ANO6: variants seen among roughly 807,000 people sequenced by gnomAD.
ANO6 encodes anoctamin 6.
Under a neutral mutation model 117.5 loss-of-function variants are expected in ANO6, and 106 were observed. The ratio of observed to expected loss-of-function variants is 0.90; its 90% CI spans 0.77 to 1.06. The LOEUF is 1.06. ANO6 is among the 50% of genes least tolerant of loss of function. The pLI, the probability that ANO6 is intolerant of heterozygous loss-of-function variation, is 0.00. For synonymous variants in ANO6, 367 were observed against 385.1 expected, an observed-to-expected ratio of 0.95 and a Z score of 0.55; for missense variants, 955 against 1,121.1, an observed-to-expected ratio of 0.85 and a Z score of 2.12.
chr12:45,248,784 G>A lies in ANO6; in HGVS notation c.70+32393G>A, dbSNP rs1947861792. Among the ~76,000 whole-genome samples, 8 of 152,290 alleles carry A rather than the reference G, an allele frequency of 5.3e-5. No individual in the cohort carries two copies. The South Asian group carries it at 1.0e-3, about 20-fold the overall frequency. ...GAGTCAACTGACCTGAAGGAATATG[G>A]AGGCAGAATCATTTTAACAAAGGGT... On this transcript the variant is annotated intron_variant, in intron 1 of 19. Transcript: ENST00000320560.
At chr12:45,362,272 T>C (rs1941575313) in intron 8 of ANO6, among the ~76,000 whole-genome samples, 1 of 152,128 alleles carries the variant, frequency 6.6e-6, no homozygotes, top group Admixed American at 6.5e-5. Context: ...GTCTAATTAG[T>C]TGGCTTATAA....
At chr12:45,324,847 A>C (rs1234600040) in intron 2 of ANO6, among the ~76,000 whole-genome samples, 1 of 152,168 alleles carries the variant, frequency 6.6e-6, no homozygotes, top group Non-Finnish European at 1.5e-5. Context: ...CTAAATAGCT[A>C]TAGCTTAAAA....
At chr12:45,347,917 G>A (rs1206926872) in intron 4 of ANO6, 111 bp from the exon 5 acceptor site, 1 of 1,003,866 alleles carries the variant, frequency 1.0e-6, no homozygotes, top group Non-Finnish European at 1.5e-6. Context: ...TTTTAGTGGT[G>A]GTCTCTGTAT....
At position 45,388,142 on chromosome 12, in the gene ANO6, T is replaced by G. The variant is rs552336239; in HGVS notation, c.1166-19T>G. ...GTCATCATTGAAAATCCACACAAGC[T>G]CTTCTGTCTCTCTGTTAGTTACCTT... is the stretch of plus-strand genomic sequence containing the variant. On this transcript the variant is annotated intron_variant, in intron 10 of 19. Transcript: ENST00000320560. 6.2e-7 allele frequency: 1 copy of G among 1,613,618 alleles called. No individual in the cohort carries two copies. The highest frequency in any genetic ancestry group is 2.2e-5 in the East Asian group (1 of 44,878).
At chr12:45,405,583 T>C (rs1942911766) in intron 15 of ANO6, among the ~76,000 whole-genome samples, 1 of 152,160 alleles carries the variant, frequency 6.6e-6, no homozygotes. Context: ...GGTGCCAGTT[T>C]TCTTAACTTT....
chr12:45,349,984 G>A (rs1174910318), intron 6 of ANO6, among the ~76,000 whole-genome samples: 3 of 152,150 alleles, frequency 2.0e-5, no homozygotes, highest in Admixed American at 2.0e-4. Flanking sequence ...GCTAACAAAT[G>A]GTCCCATGTG....
At chr12:45,312,418 A>G (rs913531711) in intron 2 of ANO6, among the ~76,000 whole-genome samples, 1 of 152,060 alleles carries the variant, frequency 6.6e-6, no homozygotes, top group Admixed American at 6.6e-5. Context: ...ACACAATGTG[A>G]ATTCACAAGA....
intron 19 of ANO6, among the ~76,000 whole-genome samples, chr12:45,423,968 A>G (rs781127621): frequency 1.3e-5 from 2 of 152,080 alleles, no homozygotes; most frequent in African/African-American, 2.4e-5. Context: ...AATAAAACCA[A>G]TCAGCAGAGA....
At chr12:45,423,983 G>C (rs1053980727) in intron 19 of ANO6, among the ~76,000 whole-genome samples, 2 of 151,820 alleles carry the variant, frequency 1.3e-5, no homozygotes, top group Non-Finnish European at 2.9e-5. Context: ...CAGAGAAGAA[G>C]TGGGGTAGAC....
chr12:45,353,895 A>T (rs1941344764), intron 7 of ANO6, among the ~76,000 whole-genome samples: 1 of 152,216 alleles, frequency 6.6e-6, no homozygotes, highest in African/African-American at 2.4e-5. Context: ...GAAAAACACC[A>T]ATAGAACGCA....
At chr12:45,347,739 G>A (rs79385497) in intron 4 of ANO6, among the ~76,000 whole-genome samples, 2,431 of 152,220 alleles carry the variant, frequency 0.016, 58 homozygotes, top group East Asian at 0.098. Flanking sequence ...AATAATTAGG[G>A]TAGAGTGATA....
At chr12:45,229,664 AG>A (rs1285155474) in intron 1 of ANO6, among the ~76,000 whole-genome samples, 1 of 152,198 alleles carries the variant, frequency 6.6e-6, no homozygotes, top group Non-Finnish European at 1.5e-5. Flanking sequence ...CTGGGATTAC[AG>A]GCGTGAGCCA....
At chr12:45,433,832 A>G (rs1179937434), downstream of ANO6, among the ~76,000 whole-genome samples, 2 of 152,194 alleles carry the variant, frequency 1.3e-5, no homozygotes, top group African/African-American at 4.8e-5. Context: ...GCATAAATGA[A>G]GGGGAAATCC....
intron 10 of ANO6, among the ~76,000 whole-genome samples, chr12:45,382,868 G>T (rs945354370): frequency 1.3e-5 from 2 of 152,156 alleles, no homozygotes; most frequent in Admixed American, 6.5e-5. Context: ...GTCTTGCCTC[G>T]ATGTTGATGG....
At chr12:45,274,610 C>T (rs919044155) in intron 1 of ANO6, among the ~76,000 whole-genome samples, 7 of 152,006 alleles carry the variant, frequency 4.6e-5, no homozygotes, top group Non-Finnish European at 8.8e-5. Context: ...AGTGATCCTT[C>T]TCTTTTACAC....
chr12:45,331,258 AATTATAT>A, intron 2 of ANO6, 30 bp from the exon 3 acceptor site: 1 of 1,564,636 alleles, frequency 6.4e-7, no homozygotes, highest in Non-Finnish European at 8.7e-7. Context: ...TTTTTCAAAA[AATTATAT>A]ATTACAATTT....
intron 19 of ANO6, 142 bp from the exon 20 acceptor site, chr12:45,428,963 A>G (rs1053502245): frequency 5.5e-6 from 5 of 912,590 alleles, no homozygotes; most frequent in East Asian, 2.6e-5. Flanking sequence ...ATTAGACACA[A>G]TGGCATTAGC....
chr12:45,437,329 C>T (rs1398197633), downstream of ANO6, among the ~76,000 whole-genome samples: 2 of 152,156 alleles, frequency 1.3e-5, no homozygotes, highest in Non-Finnish European at 2.9e-5. Flanking sequence ...AGCATCTAGC[C>T]GCTTGCTGTT....
chr12:45,220,789 C>T (rs1050655837), intron 1 of ANO6, among the ~76,000 whole-genome samples: 1 of 152,132 alleles, frequency 6.6e-6, no homozygotes, highest in Non-Finnish European at 1.5e-5. Flanking sequence ...ACTGGAAAGA[C>T]CAAGGCAGGA....
Sources: gnomAD v4.1 joint callset for allele counts (sites outside exome capture counted in the v4.1 genomes callset) on GRCh38, gnomAD v4.1.1 for gene constraint, MANE v1.5 for transcripts, NCBI Gene and HGNC (gene_info 2026-07-23, HGNC 2026-07-21) for gene names.